USH2A: variants seen among roughly 807,000 people sequenced by gnomAD.
USH2A encodes usherin.
Under a neutral mutation model 538.9 loss-of-function variants are expected in USH2A, and 443 were observed. The observed-to-expected ratio is 0.82, with a 90% confidence interval of 0.76 to 0.89. The LOEUF (loss-of-function observed/expected upper bound fraction) is 0.89. USH2A is among the 40% of genes least tolerant of loss of function. USH2A has a pLI of 0.00. For missense variants in USH2A, 6,633 were observed against 6,324.8 expected (o/e 1.05, Z -1.65); for synonymous variants, 2,413 against 2,273.5 (o/e 1.06, Z -1.75).
At chr1:216,021,564 A>G (rs917266446) in intron 32 of USH2A, among the ~76,000 whole-genome samples, 1 of 152,116 alleles carries the variant, frequency 6.6e-6, no homozygotes, top group Non-Finnish European at 1.5e-5. Flanking sequence ...CGTGCCCTGA[A>G]GATTTTGGTC....
At chr1:216,092,739 G>A (rs188342615) in intron 22 of USH2A, among the ~76,000 whole-genome samples, 7 of 152,238 alleles carry the variant, frequency 4.6e-5, no homozygotes, top group Admixed American at 1.3e-4. Flanking sequence ...CATATATAGA[G>A]AGCCTCATGG....
chr1:215,878,693 T>G, intron 42 of USH2A, 71 bp downstream of exon 42: 1 of 1,492,344 alleles, frequency 6.7e-7, no homozygotes, highest in Non-Finnish European at 9.2e-7. Context: ...AATAAAAGCC[T>G]CCTTCATTTC....
chr1:215,873,973 G>C (rs1664687765), intron 43 of USH2A, among the ~76,000 whole-genome samples: 1 of 152,054 alleles, frequency 6.6e-6, no homozygotes. Context: ...ATTATAACTT[G>C]TTCTTCTTTA....
At position 216,306,805 on chromosome 1, in the gene USH2A, G is replaced by A. The variant is rs539190233; in HGVS notation, c.1645-14435C>T. ...CTGCAGTGATTGTTGTTTCTCTTCTGGATCTAGCCACCCAGTGGAGCTAGC... is the reference window on the plus strand; with the variant it reads ...CTGCAGTGATTGTTGTTTCTCTTCTAGATCTAGCCACCCAGTGGAGCTAGC... On this transcript the variant is annotated intron_variant, in intron 9 of 71. Transcript: ENST00000307340. Among the ~76,000 whole-genome samples, 55 of 152,242 alleles carry A rather than the reference G, an allele frequency of 3.6e-4. No homozygotes were observed. The South Asian group carries it at 0.011, about 32-fold the overall frequency.
At chr1:216,417,919 C>T (rs1005037929) in intron 3 of USH2A, among the ~76,000 whole-genome samples, 3 of 152,110 alleles carry the variant, frequency 2.0e-5, no homozygotes, top group Non-Finnish European at 2.9e-5. Context: ...TGAACTGTGC[C>T]TCTCTTCTGG....
chr1:216,067,944 C>T (rs116795778), intron 30 of USH2A, among the ~76,000 whole-genome samples: 6,597 of 152,140 alleles, frequency 0.043, 215 homozygotes, highest in Middle Eastern at 0.12. Flanking sequence ...AAAGAGAAGA[C>T]GGCCCAGTTC....
Position 216,319,001 on chromosome 1 carries a change from A to G in USH2A, c.1644+2882T>C, listed in dbSNP as rs2037558445. Among the ~76,000 whole-genome samples the G allele has an allele frequency of 2.0e-5, 3 of 152,208 alleles. No individual in the cohort carries two copies. In the South Asian group the frequency reaches 6.2e-4, roughly 31 times the overall value. Reference sequence around the variant, plus strand: ...ACAGGACGTCACAAGCAAATGAGAGAGACTAATACCGACTGACTAGTCAAC... The same window carrying G: ...ACAGGACGTCACAAGCAAATGAGAGGGACTAATACCGACTGACTAGTCAAC... On this transcript the variant is annotated intron_variant, in intron 9 of 71. Coordinates refer to ENST00000307340, the MANE Select transcript of USH2A (RefSeq NM_206933.4).
chr1:215,846,266 G>A (rs1663844414), intron 44 of USH2A, among the ~76,000 whole-genome samples: 1 of 152,166 alleles, frequency 6.6e-6, no homozygotes, highest in South Asian at 2.1e-4. Flanking sequence ...AGGCTGGAGT[G>A]CAGTAGTGTA....
At chr1:216,074,825 G>A (rs1255152198) in intron 27 of USH2A, among the ~76,000 whole-genome samples, 1 of 152,126 alleles carries the variant, frequency 6.6e-6, no homozygotes, top group African/African-American at 2.4e-5. Flanking sequence ...AACAGTGAAA[G>A]GGCAGCTTGG....
At chr1:216,361,705 C>G (rs1020221132) in intron 4 of USH2A, among the ~76,000 whole-genome samples, 15 of 152,158 alleles carry the variant, frequency 9.9e-5, no homozygotes, top group African/African-American at 3.6e-4. Context: ...ATGATAACAT[C>G]TGGCAAAACT....
intron 44 of USH2A, among the ~76,000 whole-genome samples, chr1:215,859,335 C>T (rs759723625): frequency 6.6e-6 from 1 of 152,048 alleles, no homozygotes; most frequent in Non-Finnish European, 1.5e-5. Context: ...GAGATTGAGA[C>T]CTTCCTGGCT....
At chr1:215,949,595 A>G (rs991764695) in intron 37 of USH2A, among the ~76,000 whole-genome samples, 2 of 152,124 alleles carry the variant, frequency 1.3e-5, no homozygotes, top group African/African-American at 4.8e-5. Context: ...TAAAAGGAGA[A>G]GAAATAAATA....
intron 38 of USH2A, among the ~76,000 whole-genome samples, chr1:215,905,902 G>C (rs1665628578): frequency 6.6e-6 from 1 of 152,050 alleles, no homozygotes; most frequent in Non-Finnish European, 1.5e-5. Context: ...CCTATATGCT[G>C]CATCGCTGAA....
chr1:216,339,979 T>G (rs2038044883), intron 4 of USH2A, among the ~76,000 whole-genome samples: 1 of 151,210 alleles, frequency 6.6e-6, no homozygotes, highest in African/African-American at 2.4e-5. Context: ...AAGAAACAAC[T>G]AAGATCAGAG....
chr1:216,157,502 A>G (rs935576713), intron 21 of USH2A, among the ~76,000 whole-genome samples: 1 of 152,228 alleles, frequency 6.6e-6, no homozygotes, highest in African/African-American at 2.4e-5. Flanking sequence ...TCTACCAAAA[A>G]GACGCATGCA....
At chr1:216,099,242 C>T (rs1349310648) in intron 21 of USH2A, among the ~76,000 whole-genome samples, 2 of 152,148 alleles carry the variant, frequency 1.3e-5, no homozygotes, top group African/African-American at 4.8e-5. Context: ...CTCTCTTCTT[C>T]TCTTACTCTG....
chr1:215,701,034 C>T (rs568976782), intron 61 of USH2A, among the ~76,000 whole-genome samples: 15 of 152,214 alleles, frequency 9.9e-5, no homozygotes, highest in South Asian at 2.1e-4. Flanking sequence ...TTTCAATGAA[C>T]GTATGTATTT....
chr1:216,082,920 G>A (rs1256132455), intron 26 of USH2A, among the ~76,000 whole-genome samples: 1 of 151,966 alleles, frequency 6.6e-6, no homozygotes, highest in African/African-American at 2.4e-5. Flanking sequence ...TTCATTAGGT[G>A]TTCAAACTAT....
rs950281688 is a variant in USH2A, at chr1:216,422,331, A to T, written c.6T>A (p.Asn2Lys). The change falls in exon 2 of 72, where the codon AAT becomes AAA. Residue 2 changes from asparagine to lysine, a missense_variant. Coordinates refer to ENST00000307340, the MANE Select transcript of USH2A (RefSeq NM_206933.4). M[N>K]CPVLSLGSGF... ...CAGAGCCCAATGAAAGAACTGGGCA[A>T]TTCATGTTTACAAAAAAGCATTCTC... 7.9e-5 allele frequency: 127 copies of T among 1,613,654 alleles called. 1 individual carries two copies. In the Admixed American group the frequency reaches 2.1e-3, roughly 26 times the overall value.
Sources: allele counts gnomAD v4.1 joint callset (sites outside exome capture counted in the v4.1 genomes callset), GRCh38; gene constraint gnomAD v4.1.1; transcripts MANE v1.5; gene names NCBI Gene and HGNC (gene_info 2026-07-23, HGNC 2026-07-21).